Variants in TBCE observed in about 807,000 individuals in gnomAD.
TBCE encodes tubulin-specific chaperone E.
TBCE carries 53 observed loss-of-function variants against 77.0 expected under a neutral mutation model. The ratio of observed to expected loss-of-function variants is 0.69; its 90% CI spans 0.55 to 0.87. TBCE has a LOEUF of 0.87. TBCE is among the 40% of genes least tolerant of loss of function. TBCE has a pLI of 0.00. For missense variants in TBCE, 624 were observed against 622.4 expected (o/e 1.00, Z -0.03); for synonymous variants, 235 against 241.3 (o/e 0.97, Z 0.24).
intron 15 of TBCE, 41 bp from the exon 16 acceptor site, chr1:235,448,308 T>G (rs754622363): frequency 1.3e-6 from 2 of 1,558,478 alleles, no homozygotes; most frequent in South Asian, 2.2e-5. Flanking sequence ...CAGGTAACTG[T>G]CATTTGAGAG....
intron 2 of TBCE, among the ~76,000 whole-genome samples, chr1:235,389,664 G>T (rs1285801701): frequency 1.3e-5 from 2 of 151,972 alleles, no homozygotes; most frequent in African/African-American, 4.8e-5. Flanking sequence ...TTTGGAATTG[G>T]TACTAAGATG....
intron 2 of TBCE, among the ~76,000 whole-genome samples, chr1:235,400,913 C>T (rs1345902413): frequency 1.5e-5 from 2 of 134,336 alleles, no homozygotes; most frequent in Non-Finnish European, 3.1e-5. Context: ...AGGCCAGTCT[C>T]GACCAGTCTC....
rs141217740 is a variant in TBCE at position 235,400,984 on chromosome 1, G to A, written c.101-519G>A. Among the ~76,000 whole-genome samples, 43 of 151,104 alleles carry A rather than the reference G, an allele frequency of 2.8e-4. No individual in the cohort carries two copies. In the East Asian group the frequency reaches 7.9e-3, roughly 28 times the overall value. On this transcript the variant is annotated intron_variant, in intron 2 of 16. Coordinates refer to ENST00000642610, the MANE Select transcript of TBCE (RefSeq NM_003193.5). ...CTTGCAAAGTGCTGGGACTACAGGC[G>A]TAAGCCACTGTGCCTGGGCTTTTTT... is the stretch of plus-strand genomic sequence containing the variant.
Position 235,450,285 on chromosome 1 carries a change from TGAG to T in TBCE, c.*1527_*1529del, listed in dbSNP as rs752758430. 55 of 1,613,908 alleles carry T rather than the reference TGAG, an allele frequency of 3.4e-5. No homozygotes were observed. The highest frequency in any genetic ancestry group is 4.2e-5 in the Non-Finnish European group (49 of 1,179,888). ...TTCCGTCAGTTCCCACGGAGAATACTGAGGAGAAGACAGCATTCCTGTCTCACA... is the reference window on the plus strand; with the variant it reads ...TTCCGTCAGTTCCCACGGAGAATACTGAGAAGACAGCATTCCTGTCTCACA... On this transcript the variant is annotated 3_prime_UTR_variant, in exon 17 of 17. Transcript: ENST00000642610.
At chr1:235,387,370 C>T (rs1277744516) in intron 2 of TBCE, among the ~76,000 whole-genome samples, 2 of 152,146 alleles carry the variant, frequency 1.3e-5, no homozygotes, top group African/African-American at 2.4e-5. Flanking sequence ...GTTACTGCTG[C>T]CTTTTTGTTT....
At position 235,414,438 on chromosome 1, in the gene TBCE, C is replaced by T. The variant is rs147489278; in HGVS notation, c.191C>T (p.Pro64Leu). ...EGTVYFKCRH[P>L]TGGSFIRPNK... ...CATTTGCTCTTCTTTACCAGGCACCCGACAGGAGGATCCTTTATTCGTCCG... is the reference window on the plus strand; with the variant it reads ...CATTTGCTCTTCTTTACCAGGCACCTGACAGGAGGATCCTTTATTCGTCCG... The change falls in exon 4 of 17, where the codon CCG (proline) becomes CTG (leucine). Residue 64 changes from proline (P) to leucine (L), a missense_variant. Coordinates refer to ENST00000642610, the MANE Select transcript of TBCE (RefSeq NM_003193.5). 381 of 1,613,084 alleles carry T rather than the reference C, an allele frequency of 2.4e-4. 3 individuals are homozygous for T. In the African/African-American group the frequency reaches 4.1e-3, roughly 17 times the overall value.
chr1:235,379,388 G>T (rs1033104410), intron 1 of TBCE, among the ~76,000 whole-genome samples: 1 of 151,980 alleles, frequency 6.6e-6, no homozygotes, highest in Non-Finnish European at 1.5e-5. Flanking sequence ...CAATTAAACA[G>T]CATGGTGGTG....
At chr1:235,397,258 G>T (rs925608767) in intron 2 of TBCE, among the ~76,000 whole-genome samples, 2 of 145,858 alleles carry the variant, frequency 1.4e-5, no homozygotes, top group African/African-American at 5.2e-5. Flanking sequence ...CTGGAGTGCA[G>T]TGGCGCGATC....
chr1:235,401,826 CTTTT>C (rs11285286), intron 3 of TBCE, among the ~76,000 whole-genome samples: 44 of 88,592 alleles, frequency 5.0e-4, no homozygotes, highest in African/African-American at 1.9e-3. Flanking sequence ...TTTCTTCGTC[CTTTT>C]TTTTTTTTTT....
At chr1:235,443,224 C>T (rs930755214) in intron 15 of TBCE, among the ~76,000 whole-genome samples, 7 of 151,616 alleles carry the variant, frequency 4.6e-5, no homozygotes, top group African/African-American at 1.5e-4. Flanking sequence ...TTTTTTGAGA[C>T]AGGGCCTCAC....
At chr1:235,398,038 C>T (rs1678849512) in intron 2 of TBCE, among the ~76,000 whole-genome samples, 1 of 152,058 alleles carries the variant, frequency 6.6e-6, no homozygotes, top group Non-Finnish European at 1.5e-5. Flanking sequence ...ATGACTTGTG[C>T]TTTGCAGTGT....
In TBCE at chr1:235,449,664, G is replaced by A. The variant is rs1682771567; in HGVS notation, c.*902G>A. ...GTTAGTTCAAGTTGCCCACTTCAGA[G>A]ATCCACAAAATCTGACATTATTTCC... On this transcript the variant is annotated 3_prime_UTR_variant, in exon 17 of 17. Coordinates refer to ENST00000642610, the MANE Select transcript of TBCE (RefSeq NM_003193.5). 6.6e-6 allele frequency: 1 copy of A among 152,592 alleles called. No homozygotes were observed. Among genetic ancestry groups the A allele is most frequent in the African/African-American group, 2.4e-5 (1 of 41,458 alleles). The allele number at this position is 152,592 out of a possible 1,614,324, so 9.5% of individuals were successfully genotyped here. A position where few individuals can be genotyped will look rare whatever the true frequency, so the allele number is the denominator to read the frequency against.
At chr1:235,439,445 G>A (rs868183076) in intron 13 of TBCE, among the ~76,000 whole-genome samples, 9 of 150,240 alleles carry the variant, frequency 6.0e-5, no homozygotes, top group Non-Finnish European at 1.0e-4. Context: ...GCAGTGAGCC[G>A]AGATCACACC....
chr1:235,404,700 G>C (rs902660016), intron 3 of TBCE, among the ~76,000 whole-genome samples: 3 of 141,606 alleles, frequency 2.1e-5, no homozygotes, highest in African/African-American at 7.9e-5. Context: ...ATGGATTCTT[G>C]CTCTGTCACC....
chr1:235,410,171 A>T (rs10925635), intron 3 of TBCE, among the ~76,000 whole-genome samples: 10 of 150,290 alleles, frequency 6.7e-5, no homozygotes, highest in Non-Finnish European at 1.5e-4. Flanking sequence ...TGCTTCAACC[A>T]GGGAGGCTGA....
chr1:235,420,375 C>T (rs4999349), intron 5 of TBCE, among the ~76,000 whole-genome samples: 73,339 of 149,730 alleles, frequency 0.49, 18,275 homozygotes, highest in East Asian at 0.65. Context: ...AGTGCTGTGG[C>T]GTGATCTCAG....
intron 6 of TBCE, chr1:235,429,690 T>A (rs1680972293): frequency 6.6e-6 from 1 of 151,370 alleles, no homozygotes; most frequent in Non-Finnish European, 1.5e-5. Context: ...TCTCAGAACC[T>A]AACTTTCCAA....
intron 15 of TBCE, among the ~76,000 whole-genome samples, chr1:235,444,593 T>C (rs1015213453): frequency 1.3e-5 from 2 of 152,116 alleles, no homozygotes; most frequent in Admixed American, 6.6e-5. Context: ...TTAGTAGAGA[T>C]GAAGCCTCGC....
chr1:235,409,009 C>CT lies in TBCE; in HGVS notation c.186-5406dup, dbSNP rs10565716. ...TTTGGATTTCAGATAAACAGCCAAT[C>CT]TTTTTTTTTTTTTTTTTTAGTATAA... On this transcript the variant is annotated intron_variant, in intron 3 of 16. Coordinates refer to ENST00000642610, the MANE Select transcript of TBCE (RefSeq NM_003193.5). 3.7e-3 allele frequency among the ~76,000 whole-genome samples: 513 copies of CT among 138,620 alleles called. 4 individuals are homozygous for CT. Among genetic ancestry groups the CT allele is most frequent in the South Asian group, 0.02 (87 of 4,264 alleles). The allele number at this position is 138,620 out of a possible 152,430, so 90.9% of individuals were successfully genotyped here.
Sources: gnomAD v4.1 joint callset for allele counts (sites outside exome capture counted in the v4.1 genomes callset) on GRCh38, gnomAD v4.1.1 for gene constraint, MANE v1.5 for transcripts, NCBI Gene and HGNC (gene_info 2026-07-23, HGNC 2026-07-21) for gene names.